LRRC27: variants seen among roughly 807,000 people sequenced by gnomAD.
LRRC27 encodes the protein leucine-rich repeat-containing protein 27.
A neutral mutation model predicts 55.0 loss-of-function variants in LRRC27; 57 were observed. The ratio of observed to expected loss-of-function variants is 1.04; its 90% CI spans 0.84 to 1.29. The LOEUF (loss-of-function observed/expected upper bound fraction) is 1.29. Ranked by LOEUF, LRRC27 falls within the 50% of genes most tolerant of loss-of-function variation. The pLI is 0.00. For synonymous variants in LRRC27, 278 were observed against 251.9 expected, an observed-to-expected ratio of 1.10 and a Z score of -0.98; for missense variants, 721 against 651.5, an observed-to-expected ratio of 1.11 and a Z score of -1.16.
chr10:132,334,393 T>C (rs1358172944), intron 2 of LRRC27, among the ~76,000 whole-genome samples: 2 of 152,206 alleles, frequency 1.3e-5, no homozygotes, highest in Admixed American at 6.5e-5. Context: ...ATAGTTATGA[T>C]ATTGATTGAC....
In LRRC27 at chr10:132,375,336, C is replaced by A. The variant is rs898204528; in HGVS notation, c.*94C>A. On this transcript the variant is annotated 3_prime_UTR_variant, in exon 11 of 11. Coordinates refer to ENST00000368614, the MANE Select transcript of LRRC27 (RefSeq NM_030626.3). ...CCTCCTGTGTGGTGCCGGAAGAGCG[C>A]CAGGTTCAGTGTTACCCTGAGGGCT... 6 of 1,231,508 alleles carry A rather than the reference C, an allele frequency of 4.9e-6. No individual in the cohort carries two copies. The African/African-American group carries it at 9.1e-5, about 19-fold the overall frequency. 76.3% of individuals were successfully genotyped at this position (1,231,508 alleles called of 1,614,324 possible).
Position 132,361,339 on chromosome 10 carries a change from C to T in LRRC27, c.1171-118C>T, listed in dbSNP as rs376102762. 282 of 814,428 alleles carry T rather than the reference C, an allele frequency of 3.5e-4. No homozygotes were observed. In the East Asian group the frequency reaches 3.8e-3, roughly 11 times the overall value. The allele number at this position is 814,428 out of a possible 1,614,324, so 50.5% of individuals were successfully genotyped here. ...TTGCACAGGGACCGTCTACCCGGGG[C>T]GGCCTCGGACCCACCTCTTCGTGGA... On this transcript the variant is annotated intron_variant, in intron 8 of 10. Transcript: ENST00000368614.
Position 132,350,999 on chromosome 10 carries a change from C to T in LRRC27, c.927-608C>T, listed in dbSNP as rs1479487077. The T allele has an allele frequency of 2.0e-5, 3 of 153,306 alleles. No individual in the cohort carries two copies. In the East Asian group the frequency reaches 5.8e-4, roughly 29 times the overall value. 9.5% of individuals were successfully genotyped at this position (153,306 alleles called of 1,614,324 possible). ...GAGTCCCCAGCACCGTGCGACCCCACCATGTTACTGGCTATCCCCTCTGCT... is the reference window on the plus strand; with the variant it reads ...GAGTCCCCAGCACCGTGCGACCCCATCATGTTACTGGCTATCCCCTCTGCT... On this transcript the variant is annotated intron_variant, in intron 6 of 10. Coordinates refer to ENST00000368614, the MANE Select transcript of LRRC27 (RefSeq NM_030626.3).
intron 9 of LRRC27, among the ~76,000 whole-genome samples, chr10:132,364,370 C>CATCT: frequency 9.5e-5 from 2 of 21,096 alleles, no homozygotes; most frequent in African/African-American, 4.7e-4. Context: ...CCCGCGCTTA[C>CATCT]ACCCACCCAC....
rs1406786228 is a variant in LRRC27 at position 132,333,458 on chromosome 10, C to T, written c.-48-19C>T. Reference sequence around the variant, plus strand: ...GGTATAATTAGTTGCTTCTACGTTTCCCTTTCCCGTGTCTCCAGGTGACTC... The same window carrying T: ...GGTATAATTAGTTGCTTCTACGTTTTCCTTTCCCGTGTCTCCAGGTGACTC... On this transcript the variant is annotated intron_variant, in intron 1 of 10. Transcript: ENST00000368614. The T allele has an allele frequency of 3.1e-6, 4 of 1,276,496 alleles. No individual in the cohort carries two copies. In the South Asian group the frequency reaches 4.8e-5, roughly 15 times the overall value. 79.1% of individuals were successfully genotyped at this position (1,276,496 alleles called of 1,614,324 possible).
Position 132,351,705 on chromosome 10 carries a change from C to T in LRRC27, c.1025C>T (p.Ala342Val), listed in dbSNP as rs755917560. The change falls in exon 7 of 11, where the codon GCG becomes GTG. Residue 342 changes from alanine to valine, a missense_variant. Coordinates refer to ENST00000368614, the MANE Select transcript of LRRC27 (RefSeq NM_030626.3). ...AKRLEESRAA[A>V]LRELQEKQAL... is the part of the protein sequence containing the mutation. ...AGACTGGAAGAGAGCCGAGCGGCGG[C>T]GCTCCGAGAGCTCCAGGAGAAGCAG... 3.3e-5 allele frequency: 54 copies of T among 1,613,620 alleles called. 1 individual carries two copies. The Middle Eastern group carries it at 6.6e-4, about 20-fold the overall frequency.
intron 10 of LRRC27, among the ~76,000 whole-genome samples, chr10:132,371,219 C>T (rs955988324): frequency 5.9e-5 from 9 of 152,216 alleles, no homozygotes; most frequent in Non-Finnish European, 1.3e-4. Flanking sequence ...GCATGGCGTG[C>T]GTCGGGAGCA....
At chr10:132,371,245 G>A (rs974488728) in intron 10 of LRRC27, among the ~76,000 whole-genome samples, 5 of 152,240 alleles carry the variant, frequency 3.3e-5, no homozygotes, top group Non-Finnish European at 5.9e-5. Flanking sequence ...CCATGCACCC[G>A]GGAGCCTGGC....
intron 3 of LRRC27, among the ~76,000 whole-genome samples, chr10:132,340,398 C>T (rs775409139): frequency 3.9e-5 from 6 of 152,226 alleles, no homozygotes; most frequent in Admixed American, 1.3e-4. Flanking sequence ...CCAGCCCCAC[C>T]CAGCAGCACG....
chr10:132,349,415 T>C (rs1056876389), intron 6 of LRRC27, among the ~76,000 whole-genome samples: 1 of 152,122 alleles, frequency 6.6e-6, no homozygotes, highest in African/African-American at 2.4e-5. Context: ...GAAGCATCAC[T>C]AAAAGATTAA....
Position 132,332,281 on chromosome 10 carries a change from C to G in LRRC27, c.-49+25C>G, listed in dbSNP as rs2066810965. The G allele has an allele frequency of 3.9e-5, 6 of 152,940 alleles. No homozygotes were observed. In the Admixed American group the frequency reaches 3.9e-4, roughly 10 times the overall value. 9.5% of individuals were successfully genotyped at this position (152,940 alleles called of 1,614,324 possible). On this transcript the variant is annotated intron_variant, in intron 1 of 10. Transcript: ENST00000368614. ...GGTGAGACGGGGCGGGTACGGCCAG[C>G]TCGCTGAGCCCTCGAGGCGGGCGGC...
chr10:132,346,660 G>A (rs771813410), intron 5 of LRRC27, among the ~76,000 whole-genome samples: 25 of 152,190 alleles, frequency 1.6e-4, no homozygotes, highest in Non-Finnish European at 3.4e-4. Flanking sequence ...GCGAGATTCC[G>A]TCTTAAAAAA....
intron 10 of LRRC27, among the ~76,000 whole-genome samples, chr10:132,371,482 C>G (rs761373292): frequency 3.3e-5 from 5 of 152,206 alleles, no homozygotes; most frequent in Non-Finnish European, 5.9e-5. Context: ...CTACTCTGCC[C>G]AGAAGCCACC....
intron 5 of LRRC27, among the ~76,000 whole-genome samples, chr10:132,346,590 G>A (rs1013189889): frequency 6.6e-6 from 1 of 152,170 alleles, no homozygotes; most frequent in Non-Finnish European, 1.5e-5. Flanking sequence ...GCAGGAGAAT[G>A]GTGTGAACCC....
chr10:132,371,289 A>G (rs950114719), intron 10 of LRRC27, among the ~76,000 whole-genome samples: 1 of 147,104 alleles, frequency 6.8e-6, no homozygotes, highest in Non-Finnish European at 1.5e-5. Flanking sequence ...TGGGGGAAGT[A>G]GGAGGGACTG....
chr10:132,330,365 A>G (rs536612338), upstream of LRRC27: 2 of 697,172 alleles, frequency 2.9e-6, no homozygotes, highest in South Asian at 3.0e-5. Flanking sequence ...TCGTGCTGAA[A>G]TCTTCCATCC....
Position 132,348,214 on chromosome 10 carries a change from T to C in LRRC27, c.784T>C (p.Phe262Leu), listed in dbSNP as rs752404747. 1.9e-6 allele frequency: 3 copies of C among 1,614,000 alleles called. No homozygotes were observed. The highest frequency in any genetic ancestry group is 1.7e-6 in the Non-Finnish European group (2 of 1,180,008). Residue 262 changes from phenylalanine (F) to leucine (L), a missense_variant, in exon 6 of 11, where the codon TTT (phenylalanine) becomes CTT (leucine). Phe to Leu is a conservative substitution (Grantham distance 22). Transcript: ENST00000368614. The surrounding 1 kb of genome is among the most constrained non-coding windows in gnomAD (Gnocchi z 4.2). ...NWPSEEEIRR[F>L]WKLRQEIVEH... ...GCCCAGCGAGGAGGAGATCAGGCGCTTTTGGAAGCTGAGGCAGGAGATTGT... is the reference window on the plus strand; with the variant it reads ...GCCCAGCGAGGAGGAGATCAGGCGCCTTTGGAAGCTGAGGCAGGAGATTGT...
chr10:132,340,355 A>AC (rs913412265), intron 3 of LRRC27, among the ~76,000 whole-genome samples: 11 of 151,880 alleles, frequency 7.2e-5, no homozygotes, highest in African/African-American at 2.7e-4. Flanking sequence ...GTAAACATGC[A>AC]CCCCCCGCAA....
Position 132,375,551 on chromosome 10 carries a change from G to A in LRRC27, c.*309G>A. On this transcript the variant is annotated 3_prime_UTR_variant, in exon 11 of 11. Transcript: ENST00000368614. The stretch of plus-strand genomic sequence containing the variant: ...AGGCACTTGCCTCTCTCCTGTCCTG[G>A]AGCCCTTGTTACAAAAGTACTCACA... 1 of 242,582 alleles carries A rather than the reference G, an allele frequency of 4.1e-6. No individual in the cohort carries two copies. The highest frequency in any genetic ancestry group is 7.9e-6 in the Non-Finnish European group (1 of 126,740). 15.0% of individuals were successfully genotyped at this position (242,582 alleles called of 1,614,324 possible). A position where few individuals can be genotyped will look rare whatever the true frequency, so the allele number is the denominator to read the frequency against.
Sources: allele counts gnomAD v4.1 joint callset (sites outside exome capture counted in the v4.1 genomes callset), GRCh38; gene constraint gnomAD v4.1.1; non-coding constraint Gnocchi (gnomAD v3.1); transcripts MANE v1.5; gene names NCBI Gene and HGNC (gene_info 2026-07-23, HGNC 2026-07-21).